The following KIF1A variants were observed in gnomAD, a reference collection of about 807,000 sequenced individuals.
KIF1A encodes the protein kinesin-like protein KIF1A.
Under a neutral mutation model 227.3 loss-of-function variants are expected in KIF1A, and 46 were observed. The ratio of observed to expected loss-of-function variants is 0.20; its 90% CI spans 0.16 to 0.26. The LOEUF (loss-of-function observed/expected upper bound fraction) is 0.26, where lower values mean the gene tolerates loss of function less well. Among genes scored for constraint, KIF1A ranks in the 10% least tolerant of loss-of-function variants. The pLI, the probability that KIF1A is intolerant of heterozygous loss-of-function variation, is 1.00. For missense variants in KIF1A, 1,683 were observed against 2,485.9 expected (o/e 0.68, Z 6.87); for synonymous variants, 1,022 against 1,012.8 (o/e 1.01, Z -0.17).
At position 240,765,132 on chromosome 2, in the gene KIF1A, G is replaced by C. The variant is rs555332746; in HGVS notation, c.1768+578C>G. 3.9e-5 allele frequency among the ~76,000 whole-genome samples: 6 copies of C among 152,330 alleles called. No individual in the cohort carries two copies. The South Asian group carries it at 1.2e-3, about 32-fold the overall frequency. On this transcript the variant is annotated intron_variant, in intron 20 of 48. Coordinates refer to ENST00000498729, the MANE Select transcript of KIF1A (RefSeq NM_001244008.2). ...CTGTTTCTCTGGCAGAACCCTAACT[G>C]CGTGGGCAATAGTCACACACCACTC...
intron 5 of KIF1A, among the ~76,000 whole-genome samples, chr2:240,786,727 TG>T (rs1481917157): frequency 3.0e-5 from 3 of 101,436 alleles, no homozygotes; most frequent in African/African-American, 1.2e-4. Context: ...AGTGAGGGGG[TG>T]GGGGCTGCCT....
rs1285158224 is a variant in KIF1A, at chr2:240,740,136, G to C, written c.3823C>G (p.Gln1275Glu). 1 of 1,590,472 alleles carries C rather than the reference G, an allele frequency of 6.3e-7. No individual in the cohort carries two copies. Among genetic ancestry groups the C allele is most frequent in the Non-Finnish European group, 8.6e-7 (1 of 1,168,826 alleles). The part of the protein sequence containing the change: ...MGTFLLHQGI[Q>E]RRITVTLLHE... The stretch of plus-strand genomic sequence containing the variant: ...AGTAGTGTCACCGTAATCCGTCGCT[G>C]GATGCCCTGCCGGTGCCAGGTGAGA... Residue 1275 changes from glutamine (Q) to glutamate (E), a missense_variant, in exon 37 of 49, where the codon CAG becomes GAG. Coordinates refer to ENST00000498729, the MANE Select transcript of KIF1A (RefSeq NM_001244008.2). The surrounding 1 kb of genome is among the most constrained non-coding windows in gnomAD (Gnocchi z 6.1).
chr2:240,735,252 C>A (rs577912534), intron 38 of KIF1A, among the ~76,000 whole-genome samples: 44 of 152,314 alleles, frequency 2.9e-4, no homozygotes, highest in African/African-American at 9.6e-4. Context: ...GGCCTTGACC[C>A]CAGAACAGGG....
At chr2:240,815,900 T>C (rs913091686) in intron 1 of KIF1A, among the ~76,000 whole-genome samples, 1 of 152,122 alleles carries the variant, frequency 6.6e-6, no homozygotes, top group Admixed American at 6.5e-5. Context: ...TGTTCAGGTG[T>C]GGAGTGGCAT....
chr2:240,782,497 G>GCCCGC, intron 10 of KIF1A, 93 bp downstream of exon 10: 2 of 1,360,844 alleles, frequency 1.5e-6, no homozygotes, highest in South Asian at 2.5e-5. Context: ...CGCACTCACT[G>GCCCGC]CCCGCCCCGC....
In KIF1A at chr2:240,799,030, C is replaced by T. The variant is rs190657790; in HGVS notation, c.-60-1218G>A. 1.4e-4 allele frequency among the ~76,000 whole-genome samples: 21 copies of T among 152,332 alleles called. No individual in the cohort carries two copies. The South Asian group carries it at 1.9e-3, about 14-fold the overall frequency. On this transcript the variant is annotated intron_variant, in intron 1 of 48. Coordinates refer to ENST00000498729, the MANE Select transcript of KIF1A (RefSeq NM_001244008.2). ...GGTCGTCCCCATCTGTAAGTGCCAC[C>T]CTTGGGGGAATCTGGCAAAAAGCCC... is the stretch of plus-strand genomic sequence containing the variant.
intron 2 of KIF1A, among the ~76,000 whole-genome samples, chr2:240,796,519 A>G (rs2126140970): frequency 6.6e-6 from 1 of 152,302 alleles, no homozygotes; most frequent in South Asian, 2.1e-4. Context: ...CACCTCCCAA[A>G]TAAACTCTTG....
chr2:240,720,061 C>T (rs1170361825), intron 45 of KIF1A, 135 bp from the exon 46 acceptor site: 2 of 795,506 alleles, frequency 2.5e-6, no homozygotes, highest in Non-Finnish European at 3.6e-6. Context: ...CAGCTGTGCC[C>T]ACAGTGGGAG....
chr2:240,739,980 C>G lies in KIF1A; in HGVS notation c.3901+78G>C. ...CAGACGCAGAGGTGTGGTTAGAACC[C>G]GGGTATCCAGCTCAGGGCCTGTACT... On this transcript the variant is annotated intron_variant, in intron 37 of 48. Transcript: ENST00000498729. The surrounding 1 kb of genome is among the most constrained non-coding windows in gnomAD (Gnocchi z 5.6). The G allele has an allele frequency of 2.6e-6, 3 of 1,157,200 alleles. No homozygotes were observed. Among genetic ancestry groups the G allele is most frequent in the Non-Finnish European group, 3.8e-6 (3 of 790,944 alleles). The allele number at this position is 1,157,200 out of a possible 1,614,324, so 71.7% of individuals were successfully genotyped here. A position where few individuals can be genotyped will look rare whatever the true frequency, so the allele number is the denominator to read the frequency against.
At chr2:240,728,314 C>T (rs1184350960) in intron 38 of KIF1A, 6 of 940,324 alleles carry the variant, frequency 6.4e-6, no homozygotes, top group East Asian at 6.2e-5. Flanking sequence ...AGCAGGCAGA[C>T]GCCGAGGAGA....
At chr2:240,720,826 T>C (rs1316453186) in intron 45 of KIF1A, 88 bp downstream of exon 45, 1 of 1,445,026 alleles carries the variant, frequency 6.9e-7, no homozygotes, top group African/African-American at 1.4e-5. Context: ...GGGCCCCCTG[T>C]TCTGTGCTCT....
chr2:240,728,477 G>A, intron 38 of KIF1A: 1 of 1,097,802 alleles, frequency 9.1e-7, no homozygotes, highest in Non-Finnish European at 1.2e-6. Context: ...GTCAGAACAA[G>A]CACCGGCACA....
In KIF1A at chr2:240,726,211, G is replaced by T. The variant is rs974581068; in HGVS notation, c.4122+615C>A. On this transcript the variant is annotated intron_variant, in intron 39 of 48. Coordinates refer to ENST00000498729, the MANE Select transcript of KIF1A (RefSeq NM_001244008.2). The surrounding 1 kb of genome is among the most constrained non-coding windows in gnomAD (Gnocchi z 5.2). ...GTGGGGATGGAACACTTCTGTTTTT[G>T]TGCTGCCCGGAATGCAGACACAATG... Among the ~76,000 whole-genome samples the T allele has an allele frequency of 6.6e-6, 1 of 152,206 alleles. No individual in the cohort carries two copies. Among genetic ancestry groups the T allele is most frequent in the Non-Finnish European group, 1.5e-5 (1 of 68,046 alleles).
rs1411657043 is a variant in KIF1A at position 240,809,851 on chromosome 2, C to T, written c.-61+10271G>A. Among the ~76,000 whole-genome samples the T allele has an allele frequency of 4.7e-5, 7 of 147,998 alleles. No individual in the cohort carries two copies. The East Asian group carries it at 7.9e-4, about 17-fold the overall frequency. On this transcript the variant is annotated intron_variant, in intron 1 of 48. Transcript: ENST00000498729. ...TGTATACCTTTGTAACAAACCTGCA[C>T]GTTGTGCACATGTACCCTAGAACTT...
At chr2:240,786,829 T>TAGGGGCCACCACCAGGACCCCTGA (rs1481644193) in intron 5 of KIF1A, among the ~76,000 whole-genome samples, 3 of 148,728 alleles carry the variant, frequency 2.0e-5, no homozygotes, top group Non-Finnish European at 3.0e-5. Context: ...AGTGAGAGGG[T>TAGGGGCCACCACCAGGACCCCTGA]GGGGGCTGCC....
chr2:240,775,664 G>T lies in KIF1A; in HGVS notation c.958+187C>A, dbSNP rs958236291. 6.6e-6 allele frequency among the ~76,000 whole-genome samples: 1 copy of T among 152,168 alleles called. No homozygotes were observed. Among genetic ancestry groups the T allele is most frequent in the Non-Finnish European group, 1.5e-5 (1 of 68,032 alleles). ...CCCACACTCGCTTCGTTAACCCACTGCTGGCCGTTGCCCCAGGTCCTCCAG... is the reference window on the plus strand; with the variant it reads ...CCCACACTCGCTTCGTTAACCCACTTCTGGCCGTTGCCCCAGGTCCTCCAG... On this transcript the variant is annotated intron_variant, in intron 11 of 48. Coordinates refer to ENST00000498729, the MANE Select transcript of KIF1A (RefSeq NM_001244008.2). This position sits in a 1 kb window ranked among gnomAD's most constrained non-coding sequence, Gnocchi z 5.5.
chr2:240,745,396 C>T, intron 32 of KIF1A, 31 bp downstream of exon 32: 1 of 1,528,384 alleles, frequency 6.5e-7, no homozygotes. Context: ...CAGTCAGTGG[C>T]AGGGATGGGG....
Position 240,792,882 on chromosome 2 carries a change from G to C in KIF1A, c.107-3570C>G, listed in dbSNP as rs1462560507. Among the ~76,000 whole-genome samples, 1 of 152,206 alleles carries C rather than the reference G, an allele frequency of 6.6e-6. No homozygotes were observed. The highest frequency in any genetic ancestry group is 2.4e-5 in the African/African-American group (1 of 41,452). On this transcript the variant is annotated intron_variant, in intron 2 of 48. Coordinates refer to ENST00000498729, the MANE Select transcript of KIF1A (RefSeq NM_001244008.2). The surrounding 1 kb of genome is among the most constrained non-coding windows in gnomAD (Gnocchi z 4.5). ...CACAGCAGGAAGGCAGCAGCTGCAGGCTGGGAAGACAGCCCTCCCACGATC... is the reference window on the plus strand; with the variant it reads ...CACAGCAGGAAGGCAGCAGCTGCAGCCTGGGAAGACAGCCCTCCCACGATC...
rs990700531 is a variant in KIF1A at position 240,714,325 on chromosome 2, C to G, written c.*3039G>C. On this transcript the variant is annotated 3_prime_UTR_variant, in exon 49 of 49. Coordinates refer to ENST00000498729, the MANE Select transcript of KIF1A (RefSeq NM_001244008.2). ...TCCCAGTGGGAGGCCTTGGACTTGGCACCCCTAGGCACTGGCCGTGTCCCA... is the reference window on the plus strand; with the variant it reads ...TCCCAGTGGGAGGCCTTGGACTTGGGACCCCTAGGCACTGGCCGTGTCCCA... The G allele has an allele frequency of 2.4e-4, 37 of 152,442 alleles. No homozygotes were observed. Among genetic ancestry groups the G allele is most frequent in the African/African-American group, 8.7e-4 (36 of 41,552 alleles). The allele number at this position is 152,442 out of a possible 1,614,324, so 9.4% of individuals were successfully genotyped here. A position where few individuals can be genotyped will look rare whatever the true frequency, so the allele number is the denominator to read the frequency against.
Sources: allele counts gnomAD v4.1 joint callset (sites outside exome capture counted in the v4.1 genomes callset), GRCh38; gene constraint gnomAD v4.1.1; non-coding constraint Gnocchi (gnomAD v3.1); transcripts MANE v1.5; gene names NCBI Gene and HGNC (gene_info 2026-07-23, HGNC 2026-07-21).